Variants in HSD17B12 observed in about 807,000 individuals in gnomAD.
The protein encoded by HSD17B12 is hydroxysteroid 17-beta dehydrogenase 12.
A neutral mutation model predicts 39.3 loss-of-function variants in HSD17B12; 32 were observed. That is an observed-to-expected ratio of 0.81 (90% CI 0.61 to 1.09). The LOEUF is 1.09. Ranked by LOEUF, HSD17B12 falls within the 50% of genes least tolerant of loss-of-function variation. HSD17B12 has a pLI of 0.00. For synonymous variants in HSD17B12, 150 were observed against 146.7 expected (o/e 1.02, Z -0.16); for missense variants, 342 against 382.9 (o/e 0.89, Z 0.89).
upstream of HSD17B12, chr11:43,680,455 C>G (rs142998097): frequency 9.4e-3 from 2,751 of 292,036 alleles, 22 homozygotes; most frequent in Middle Eastern, 0.018. Flanking sequence ...CTCAAACCAG[C>G]CTGGGTCTGA....
the HSD17B12 span, among the ~76,000 whole-genome samples, chr11:43,633,260 G>A: frequency 1.3e-5 from 2 of 152,214 alleles, no homozygotes; most frequent in Non-Finnish European, 2.9e-5. Flanking sequence ...GGCCAGGCAC[G>A]TTGGCTCCCG....
At chr11:43,730,401 A>G (rs766879451) in intron 1 of HSD17B12, among the ~76,000 whole-genome samples, 11 of 152,340 alleles carry the variant, frequency 7.2e-5, no homozygotes, top group Admixed American at 1.3e-4. Flanking sequence ...GTTGTTTAAC[A>G]TAATTTTATT....
At chr11:43,710,310 C>T (rs1047893830) in intron 1 of HSD17B12, among the ~76,000 whole-genome samples, 5 of 152,278 alleles carry the variant, frequency 3.3e-5, no homozygotes, top group African/African-American at 1.2e-4. Context: ...AAAATTTAGG[C>T]ACATACAGGA....
intron 1 of HSD17B12, among the ~76,000 whole-genome samples, chr11:43,721,554 GGTTGCA>G (rs1205167621): frequency 6.6e-6 from 1 of 152,138 alleles, no homozygotes; most frequent in Admixed American, 6.5e-5. Context: ...GGGAGGCAGA[GGTTGCA>G]GTGAGCTAAG....
At chr11:43,675,996 C>T (rs1949690962), upstream of HSD17B12, among the ~76,000 whole-genome samples, 1 of 151,972 alleles carries the variant, frequency 6.6e-6, no homozygotes, top group Admixed American at 6.6e-5. Flanking sequence ...CCTGTAACCC[C>T]AGCTAATTGG....
intron 1 of HSD17B12, among the ~76,000 whole-genome samples, chr11:43,705,564 T>A (rs1490438772): frequency 6.6e-6 from 1 of 152,098 alleles, no homozygotes; most frequent in East Asian, 1.9e-4. Flanking sequence ...TTGTGCATAT[T>A]TCTTTCTAAT....
At chr11:43,780,204 C>T (rs890077897) in intron 3 of HSD17B12, among the ~76,000 whole-genome samples, 4 of 151,892 alleles carry the variant, frequency 2.6e-5, no homozygotes, top group African/African-American at 4.8e-5. Context: ...TCACTCTTGT[C>T]GCCCAGGCTA....
intron 3 of HSD17B12, among the ~76,000 whole-genome samples, chr11:43,768,722 G>A (rs1289270047): frequency 6.6e-6 from 1 of 152,206 alleles, no homozygotes. Flanking sequence ...ACTGTGAAGA[G>A]TCAAAGAACA....
chr11:43,830,962 T>A lies in HSD17B12; in HGVS notation c.502-14T>A, dbSNP rs749466470. 1 of 1,608,364 alleles carries A rather than the reference T, an allele frequency of 6.2e-7. No homozygotes were observed. Among genetic ancestry groups the A allele is most frequent in the Non-Finnish European group, 8.5e-7 (1 of 1,176,994 alleles). On this transcript the variant is annotated splice_polypyrimidine_tract_variant and intron_variant, in intron 6 of 10. Coordinates refer to ENST00000278353, the MANE Select transcript of HSD17B12 (RefSeq NM_016142.3). ...TCCTTGGCCATCATGAATGTTTTGCTTTCTCTCTTGCAGATGACACAATTG... is the reference window on the plus strand; with the variant it reads ...TCCTTGGCCATCATGAATGTTTTGCATTCTCTCTTGCAGATGACACAATTG...
chr11:43,724,492 G>C (rs150097422), intron 1 of HSD17B12, among the ~76,000 whole-genome samples: 1 of 152,020 alleles, frequency 6.6e-6, no homozygotes, highest in Admixed American at 6.6e-5. Flanking sequence ...AGTGGCTTAC[G>C]AACAACAGAA....
At chr11:43,757,948 T>C (rs1950526363) in intron 3 of HSD17B12, among the ~76,000 whole-genome samples, 1 of 152,030 alleles carries the variant, frequency 6.6e-6, no homozygotes, top group African/African-American at 2.4e-5. Flanking sequence ...TTTGGGGGTA[T>C]AATGGTGGAG....
At chr11:43,721,737 A>G (rs1422645195) in intron 1 of HSD17B12, among the ~76,000 whole-genome samples, 1 of 152,202 alleles carries the variant, frequency 6.6e-6, no homozygotes, top group African/African-American at 2.4e-5. Flanking sequence ...AGAAAATGGT[A>G]GTAGAAGAGG....
chr11:43,690,373 TATATATATATATATATATATATATATA>T (rs1949843742), intron 1 of HSD17B12, among the ~76,000 whole-genome samples: 2 of 14,200 alleles, frequency 1.4e-4, no homozygotes, highest in Non-Finnish European at 1.1e-4. Context: ...TATATATATA[TATATATATATATATATATATATATATA>T]TATATTTTTT....
At chr11:43,774,970 G>A (rs1450885364) in intron 3 of HSD17B12, among the ~76,000 whole-genome samples, 5 of 152,198 alleles carry the variant, frequency 3.3e-5, no homozygotes, top group Non-Finnish European at 7.3e-5. Flanking sequence ...AGTTAGCCAA[G>A]AAGGAGATTA....
chr11:43,568,861 C>G, the HSD17B12 span, among the ~76,000 whole-genome samples: 3 of 152,176 alleles, frequency 2.0e-5, no homozygotes. Flanking sequence ...CTGAGTCTCT[C>G]TGTTTTGGGC....
At chr11:43,594,328 C>T in the HSD17B12 span, among the ~76,000 whole-genome samples, 3 of 151,736 alleles carry the variant, frequency 2.0e-5, no homozygotes, top group African/African-American at 7.3e-5. Context: ...TGAAAATATA[C>T]AGATTTGGAG....
intron 6 of HSD17B12, among the ~76,000 whole-genome samples, chr11:43,820,333 C>A (rs982400396): frequency 6.6e-6 from 1 of 152,178 alleles, no homozygotes; most frequent in African/African-American, 2.4e-5. Context: ...CTTACTTATA[C>A]TGAGAGAAAG....
chr11:43,797,191 A>C (rs538554447), intron 3 of HSD17B12, among the ~76,000 whole-genome samples: 13 of 152,252 alleles, frequency 8.5e-5, no homozygotes, highest in Admixed American at 2.6e-4. Context: ...TCAAGAATAC[A>C]TACCTCCTAC....
chr11:43,734,077 C>G (rs765066311), intron 1 of HSD17B12: 144 of 992,308 alleles, frequency 1.5e-4, no homozygotes, highest in Non-Finnish European at 2.1e-4. Flanking sequence ...CATATCTTCA[C>G]CAGCATCGGA....
Sources: gnomAD v4.1 joint callset for allele counts (sites outside exome capture counted in the v4.1 genomes callset) on GRCh38, gnomAD v4.1.1 for gene constraint, MANE v1.5 for transcripts, NCBI Gene and HGNC (gene_info 2026-07-23, HGNC 2026-07-21) for gene names.